PDK1: variants seen among roughly 807,000 people sequenced by gnomAD.
PDK1 encodes pyruvate dehydrogenase kinase 1.
Under a neutral mutation model 54.2 loss-of-function variants are expected in PDK1, and 39 were observed. The observed-to-expected ratio is 0.72, with a 90% CI of 0.56 to 0.94. The LOEUF (loss-of-function observed/expected upper bound fraction) is 0.94. Ranked by LOEUF, PDK1 falls within the 40% of genes least tolerant of loss-of-function variation. The probability of loss-of-function intolerance (pLI) is 0.00; values close to 1 mark genes in which losing one functional copy is unlikely to be tolerated. For missense variants in PDK1, 552 were observed against 566.0 expected (o/e 0.98, Z 0.25); for synonymous variants, 221 against 207.1 (o/e 1.07, Z -0.58).
At chr2:172,567,219 C>T (rs1262214746) in intron 6 of PDK1, among the ~76,000 whole-genome samples, 2 of 152,022 alleles carry the variant, frequency 1.3e-5, no homozygotes, top group Non-Finnish European at 2.9e-5. Flanking sequence ...GAAAATGATA[C>T]CAAGAAAGTT....
chr2:172,641,295 A>T, the PDK1 span, among the ~76,000 whole-genome samples: 8 of 151,894 alleles, frequency 5.3e-5, no homozygotes, highest in East Asian at 1.6e-3. Flanking sequence ...ACACCTGGCT[A>T]ATTCTTTTTT....
the PDK1 span, among the ~76,000 whole-genome samples, chr2:172,718,649 C>T: frequency 4.6e-5 from 7 of 151,926 alleles, no homozygotes; most frequent in Non-Finnish European, 8.8e-5. Context: ...GGAGTGATTC[C>T]GTTTGGGGTG....
chr2:172,721,463 A>G, the PDK1 span, among the ~76,000 whole-genome samples: 3 of 152,068 alleles, frequency 2.0e-5, no homozygotes, highest in African/African-American at 7.2e-5. Flanking sequence ...TCACTCTCCC[A>G]GGTAGCTGGG....
the PDK1 span, chr2:172,724,135 T>C: frequency 6.6e-6 from 1 of 152,338 alleles, no homozygotes; most frequent in East Asian, 1.9e-4. Flanking sequence ...AATACTTCAA[T>C]GTGCATCTCT....
the PDK1 span, among the ~76,000 whole-genome samples, chr2:172,625,842 T>C: frequency 1.3e-5 from 2 of 152,198 alleles, no homozygotes; most frequent in East Asian, 1.9e-4. Context: ...ATATTTTATG[T>C]ATACGTATCT....
At chr2:172,563,758 C>T (rs1051773881) in intron 3 of PDK1, among the ~76,000 whole-genome samples, 5 of 151,732 alleles carry the variant, frequency 3.3e-5, no homozygotes, top group Admixed American at 2.0e-4. Flanking sequence ...CACTTGAACT[C>T]GGGAGGTGGA....
At position 172,592,885 on chromosome 2, in the gene PDK1, AT is replaced by A. The variant is rs769609702; in HGVS notation, c.1057-47del. 81 of 988,024 alleles carry A rather than the reference AT, an allele frequency of 8.2e-5. 2 individuals carry two copies. Among genetic ancestry groups the A allele is most frequent in the Non-Finnish European group, 6.5e-6 (4 of 613,896 alleles). The allele number at this position is 988,024 out of a possible 1,614,324, so 61.2% of individuals were successfully genotyped here. A position where few individuals can be genotyped will look rare whatever the true frequency, so the allele number is the denominator to read the frequency against. ...TGGCATCTATCTTAATTAGAAAAGT[AT>A]TTCAGTGTGTGTCTTTCTGAATAGA... On this transcript the variant is annotated intron_variant, in intron 9 of 10. Transcript: ENST00000282077.
At chr2:172,576,583 GT>G (rs1182211233) in intron 8 of PDK1, among the ~76,000 whole-genome samples, 2 of 151,806 alleles carry the variant, frequency 1.3e-5, no homozygotes, top group African/African-American at 4.8e-5. Flanking sequence ...TAAGGTGGAA[GT>G]TTTGGTTATT....
intron 2 of PDK1, among the ~76,000 whole-genome samples, chr2:172,560,220 T>C (rs1574461805): frequency 1.3e-5 from 2 of 152,310 alleles, no homozygotes; most frequent in East Asian, 3.9e-4. Context: ...AGTGCAGTAG[T>C]GTGATCATGG....
intron 8 of PDK1, among the ~76,000 whole-genome samples, chr2:172,582,815 A>G (rs1689986053): frequency 6.6e-6 from 1 of 152,164 alleles, no homozygotes; most frequent in South Asian, 2.1e-4. Flanking sequence ...GCAAAGTACT[A>G]CTTTGACTGT....
At chr2:172,556,401 CGGCCGCTGCCCCAGG>C in intron 1 of PDK1, 55 bp downstream of exon 1, 1 of 1,279,726 alleles carries the variant, frequency 7.8e-7, no homozygotes, top group Non-Finnish European at 1.0e-6. Context: ...CGGGGAGCTG[CGGCCGCTGCCCCAGG>C]CCGGGTCGGC....
intron 5 of PDK1, 131 bp downstream of exon 5, chr2:172,565,204 CTTATAGTA>C: frequency 1.6e-6 from 1 of 623,390 alleles, no homozygotes; most frequent in Non-Finnish European, 2.8e-6. Flanking sequence ...TGAAAATAAC[CTTATAGTA>C]TTATTTGTGC....
chr2:172,649,802 G>T, the PDK1 span, among the ~76,000 whole-genome samples: 1 of 152,158 alleles, frequency 6.6e-6, no homozygotes, highest in African/African-American at 2.4e-5. Context: ...AGAGTAAAAA[G>T]AAATGAACAA....
chr2:172,673,896 C>T, the PDK1 span, among the ~76,000 whole-genome samples: 12 of 152,284 alleles, frequency 7.9e-5, no homozygotes, highest in South Asian at 2.3e-3. Flanking sequence ...TGTGGAAAAT[C>T]CATTTCAGTA....
the PDK1 span, among the ~76,000 whole-genome samples, chr2:172,667,997 A>G: frequency 8.5e-5 from 13 of 152,232 alleles, no homozygotes; most frequent in East Asian, 1.9e-3. Flanking sequence ...GAAAGTCTCA[A>G]TAATAAACGT....
the PDK1 span, among the ~76,000 whole-genome samples, chr2:172,619,442 AT>A: frequency 6.6e-6 from 1 of 150,998 alleles, no homozygotes; most frequent in Non-Finnish European, 1.5e-5. Context: ...CCCGTAACTC[AT>A]TTTCCCCCAT....
chr2:172,615,714 T>A, the PDK1 span, among the ~76,000 whole-genome samples: 15 of 152,306 alleles, frequency 9.8e-5, no homozygotes, highest in Middle Eastern at 3.4e-3. Context: ...AATAATTCCG[T>A]GAACACTTTT....
At chr2:172,669,249 C>G in the PDK1 span, among the ~76,000 whole-genome samples, 1 of 151,398 alleles carries the variant, frequency 6.6e-6, no homozygotes, top group Non-Finnish European at 1.5e-5. Context: ...TTAGTAGAGA[C>G]GGGGTTTCAC....
the PDK1 span, among the ~76,000 whole-genome samples, chr2:172,708,294 A>ATT: frequency 6.6e-6 from 1 of 152,146 alleles, no homozygotes; most frequent in Admixed American, 6.6e-5. Context: ...AAAAAGAAAA[A>ATT]TTGCCAACAG....
Sources: allele counts gnomAD v4.1 joint callset (sites outside exome capture counted in the v4.1 genomes callset), GRCh38; gene constraint gnomAD v4.1.1; transcripts MANE v1.5; gene names NCBI Gene and HGNC (gene_info 2026-07-23, HGNC 2026-07-21).